Variants in ADARB2 observed in about 807,000 individuals in gnomAD.
ADARB2 encodes adenosine deaminase RNA specific B2 (inactive).
ADARB2 carries 25 observed loss-of-function variants against 62.2 expected under a neutral mutation model. The observed-to-expected ratio is 0.40, with a 90% CI of 0.29 to 0.56. The LOEUF is 0.56. ADARB2 is among the 20% of genes least tolerant of loss of function. The pLI is 0.43. For synonymous variants in ADARB2, 572 were observed against 500.8 expected, an observed-to-expected ratio of 1.14 and a Z score of -1.90; for missense variants, 1,071 against 1,077.4, an observed-to-expected ratio of 0.99 and a Z score of 0.08.
chr10:1,515,227 G>C (rs1268833996), intron 1 of ADARB2, among the ~76,000 whole-genome samples: 1 of 152,212 alleles, frequency 6.6e-6, no homozygotes, highest in African/African-American at 2.4e-5. Context: ...AAGCCTCAAC[G>C]AGGCCACAGC....
At chr10:1,525,291 A>T (rs113356055) in intron 1 of ADARB2, among the ~76,000 whole-genome samples, 11 of 152,374 alleles carry the variant, frequency 7.2e-5, no homozygotes, top group Non-Finnish European at 1.0e-4. Context: ...AATAAGCATA[A>T]TCAAAACTGT....
intron 3 of ADARB2, among the ~76,000 whole-genome samples, chr10:1,323,119 G>A (rs918643686): frequency 5.3e-5 from 8 of 151,984 alleles, no homozygotes; most frequent in Admixed American, 2.6e-4. Flanking sequence ...TTTTTGTTTT[G>A]TGAAATGAAT....
intron 1 of ADARB2, among the ~76,000 whole-genome samples, chr10:1,443,136 C>A (rs1318847845): frequency 6.6e-6 from 1 of 152,166 alleles, no homozygotes; most frequent in Non-Finnish European, 1.5e-5. Context: ...ACACCAAGTA[C>A]AAAGTGATGT....
In ADARB2 at chr10:1,705,778, G is replaced by A. The variant is rs114888057; in HGVS notation, c.100+31273C>T. On this transcript the variant is annotated intron_variant, in intron 1 of 9. Coordinates refer to ENST00000381312, the MANE Select transcript of ADARB2 (RefSeq NM_018702.4). ...TCTGAGGGTTCCAGGGATAGCTGCCGTCCGCCTCTGTGGATAATGACTCAC... is the reference window on the plus strand; with the variant it reads ...TCTGAGGGTTCCAGGGATAGCTGCCATCCGCCTCTGTGGATAATGACTCAC... 5.3e-3 allele frequency among the ~76,000 whole-genome samples: 810 copies of A among 152,220 alleles called. 5 individuals are homozygous for A. The highest frequency in any genetic ancestry group is 0.018 in the African/African-American group (747 of 41,516).
At chr10:1,294,828 G>C (rs1291253961) in intron 3 of ADARB2, among the ~76,000 whole-genome samples, 2 of 152,234 alleles carry the variant, frequency 1.3e-5, no homozygotes, top group East Asian at 3.8e-4. Context: ...AGCATGGAGT[G>C]GTGGCTCTCA....
At chr10:1,693,489 C>A (rs1229683622) in intron 1 of ADARB2, among the ~76,000 whole-genome samples, 1 of 152,182 alleles carries the variant, frequency 6.6e-6, no homozygotes, top group Non-Finnish European at 1.5e-5. Flanking sequence ...AAATAATAAT[C>A]TGAGATACAA....
chr10:1,312,252 G>A (rs1052827794), intron 3 of ADARB2, among the ~76,000 whole-genome samples: 3 of 152,094 alleles, frequency 2.0e-5, no homozygotes, highest in Non-Finnish European at 4.4e-5. Flanking sequence ...AGTGGGGGAT[G>A]CAGCTTCCAC....
chr10:1,248,545 G>T lies in ADARB2; in HGVS notation c.1193-6246C>A, dbSNP rs1023531396. 2.6e-5 allele frequency among the ~76,000 whole-genome samples: 4 copies of T among 152,232 alleles called. No homozygotes were observed. In the South Asian group the frequency reaches 8.3e-4, roughly 31 times the overall value. On this transcript the variant is annotated intron_variant, in intron 4 of 9. Coordinates refer to ENST00000381312, the MANE Select transcript of ADARB2 (RefSeq NM_018702.4). ...GGGCCATTCTCAGGAGGAGGCTGCA[G>T]CTGTGAGCTGCTCCTGGCCGGTACT...
chr10:1,387,202 G>A (rs1832532416), intron 1 of ADARB2, among the ~76,000 whole-genome samples: 2 of 151,680 alleles, frequency 1.3e-5, no homozygotes, highest in African/African-American at 4.8e-5. Flanking sequence ...TCCACTGTCA[G>A]AAGCTAAAAA....
chr10:1,383,828 A>G (rs1209894025), intron 1 of ADARB2, among the ~76,000 whole-genome samples: 1 of 152,202 alleles, frequency 6.6e-6, no homozygotes, highest in African/African-American at 2.4e-5. Context: ...CACTGAGCAA[A>G]GGCTGCTTAA....
At chr10:1,294,863 C>T (rs1489975299) in intron 3 of ADARB2, among the ~76,000 whole-genome samples, 2 of 152,200 alleles carry the variant, frequency 1.3e-5, no homozygotes, top group African/African-American at 4.8e-5. Context: ...TTGTATTCTC[C>T]TGGGGAGATT....
intron 1 of ADARB2, among the ~76,000 whole-genome samples, chr10:1,541,237 G>A: frequency 2.5e-5 from 1 of 40,470 alleles, no homozygotes; most frequent in African/African-American, 8.6e-5. Flanking sequence ...GATCACAGCC[G>A]CCCAGACCCC....
chr10:1,479,470 G>A (rs1831441614), intron 1 of ADARB2, among the ~76,000 whole-genome samples: 1 of 152,186 alleles, frequency 6.6e-6, no homozygotes, highest in South Asian at 2.1e-4. Flanking sequence ...TGGTAGAGCA[G>A]CTTGGAGTAG....
intron 1 of ADARB2, among the ~76,000 whole-genome samples, chr10:1,642,582 A>G (rs1346314200): frequency 1.3e-5 from 2 of 152,230 alleles, no homozygotes; most frequent in Non-Finnish European, 2.9e-5. Flanking sequence ...TATATAAAAT[A>G]AAAGCAAGAT....
intron 3 of ADARB2, among the ~76,000 whole-genome samples, chr10:1,289,764 C>T (rs1831447730): frequency 6.6e-6 from 1 of 152,258 alleles, no homozygotes; most frequent in Non-Finnish European, 1.5e-5. Context: ...CCTGGGGGGA[C>T]CGCCCGACCT....
chr10:1,509,487 CAG>C (rs1352245172), intron 1 of ADARB2, among the ~76,000 whole-genome samples: 1 of 152,134 alleles, frequency 6.6e-6, no homozygotes, highest in Admixed American at 6.5e-5. Flanking sequence ...CACCCGGGGA[CAG>C]AGGTTTAAGC....
intron 1 of ADARB2, among the ~76,000 whole-genome samples, chr10:1,652,927 T>C (rs1387470715): frequency 6.6e-6 from 1 of 152,158 alleles, no homozygotes. Flanking sequence ...ACGCTTTCTC[T>C]GCTCTACTCC....
At chr10:1,365,402 AT>A (rs1397133873) in intron 2 of ADARB2, among the ~76,000 whole-genome samples, 1 of 151,912 alleles carries the variant, frequency 6.6e-6, no homozygotes, top group East Asian at 1.9e-4. Flanking sequence ...AAGCCCCAAT[AT>A]TGAAATTAGG....
chr10:1,476,190 A>G (rs1476286023), intron 1 of ADARB2, among the ~76,000 whole-genome samples: 2 of 152,156 alleles, frequency 1.3e-5, no homozygotes, highest in African/African-American at 4.8e-5. Context: ...GGAGGGAGAG[A>G]GAGGCAGAGA....
Sources: allele counts gnomAD v4.1 joint callset (sites outside exome capture counted in the v4.1 genomes callset), GRCh38; gene constraint gnomAD v4.1.1; transcripts MANE v1.5; gene names NCBI Gene and HGNC (gene_info 2026-07-23, HGNC 2026-07-21).